Variants in LRRFIP1 observed in about 807,000 individuals in gnomAD.
The protein encoded by LRRFIP1 is LRR binding FLII interacting protein 1, also known as leucine-rich repeat flightless-interacting protein 1.
Under a neutral mutation model 104.4 loss-of-function variants are expected in LRRFIP1, and 62 were observed. That is an observed-to-expected ratio of 0.59 (90% confidence interval 0.48 to 0.73). The LOEUF (loss-of-function observed/expected upper bound fraction) is 0.73, where lower values mean the gene tolerates loss of function less well. Ranked by LOEUF, LRRFIP1 falls within the 30% of genes least tolerant of loss-of-function variation. LRRFIP1 has a pLI of 0.00. For missense variants in LRRFIP1, 796 were observed against 824.5 expected, an observed-to-expected ratio of 0.97 and a Z score of 0.42; for synonymous variants, 300 against 299.0, an observed-to-expected ratio of 1.00 and a Z score of -0.03.
At chr2:237,746,258 C>T (rs1003693020) in intron 11 of LRRFIP1, among the ~76,000 whole-genome samples, 9 of 152,016 alleles carry the variant, frequency 5.9e-5, no homozygotes, top group African/African-American at 1.5e-4. Flanking sequence ...AGGGTTTCGC[C>T]GTGTTGGCCA....
At chr2:237,756,059 A>G (rs778981214) in intron 15 of LRRFIP1, 36 bp from the exon 16 acceptor site, 1 of 1,448,944 alleles carries the variant, frequency 6.9e-7, no homozygotes, top group South Asian at 1.2e-5. Flanking sequence ...GAAACATGGG[A>G]TTCCACTGCT....
chr2:237,638,279 T>G (rs1223827422), intron 1 of LRRFIP1, among the ~76,000 whole-genome samples: 5 of 152,200 alleles, frequency 3.3e-5, no homozygotes, highest in Admixed American at 6.5e-5. Context: ...GCGCACAACC[T>G]AGATCCCTCA....
chr2:237,764,167 A>G, intron 19 of LRRFIP1: 1 of 1,614,046 alleles, frequency 6.2e-7, no homozygotes, highest in Non-Finnish European at 8.5e-7. Flanking sequence ...GGCGCGGTGC[A>G]CAGGAAGTCT....
At chr2:237,727,139 C>A (rs908327019) in intron 7 of LRRFIP1, among the ~76,000 whole-genome samples, 4 of 152,112 alleles carry the variant, frequency 2.6e-5, no homozygotes, top group Non-Finnish European at 5.9e-5. Context: ...GGGCGGATCA[C>A]GAGGTCAGGA....
intron 12 of LRRFIP1, 138 bp from the exon 13 acceptor site, chr2:237,749,061 C>CT (rs887348174): frequency 1.2e-6 from 1 of 807,746 alleles, no homozygotes; most frequent in African/African-American, 1.7e-5. Flanking sequence ...ATGGGGGAAA[C>CT]TGCCCCCGTG....
chr2:237,663,022 G>A (rs1387700129), intron 1 of LRRFIP1, among the ~76,000 whole-genome samples: 3 of 152,174 alleles, frequency 2.0e-5, no homozygotes, highest in Non-Finnish European at 2.9e-5. Flanking sequence ...GCTGCTCTCT[G>A]CCTGCGGGGT....
At chr2:237,688,119 G>A (rs1428182406) in intron 1 of LRRFIP1, among the ~76,000 whole-genome samples, 1 of 152,200 alleles carries the variant, frequency 6.6e-6, no homozygotes, top group Non-Finnish European at 1.5e-5. Flanking sequence ...TTTTCATTGA[G>A]AGGGCACAGA....
chr2:237,762,990 C>T (rs756917355), intron 19 of LRRFIP1: 2 of 1,614,212 alleles, frequency 1.2e-6, no homozygotes, highest in Non-Finnish European at 1.7e-6. Context: ...GTGGGAGAGG[C>T]AGCAGTGACT....
chr2:237,696,654 G>A (rs1165073077), intron 1 of LRRFIP1, among the ~76,000 whole-genome samples: 1 of 152,196 alleles, frequency 6.6e-6, no homozygotes, highest in Admixed American at 6.5e-5. Flanking sequence ...GACTTTCCAA[G>A]CCCTCACAGC....
At chr2:237,683,060 C>G (rs1466566011) in intron 1 of LRRFIP1, among the ~76,000 whole-genome samples, 1 of 152,232 alleles carries the variant, frequency 6.6e-6, no homozygotes, top group Non-Finnish European at 1.5e-5. Flanking sequence ...ACGCGGCTAG[C>G]CATCCTGCAA....
chr2:237,773,975 C>T (rs994243804), intron 22 of LRRFIP1: 4 of 167,266 alleles, frequency 2.4e-5, no homozygotes, highest in Non-Finnish European at 3.9e-5. Flanking sequence ...CTCCCACCCC[C>T]GCCACCCCAG....
At chr2:237,747,046 C>T (rs2057967240) in intron 11 of LRRFIP1, among the ~76,000 whole-genome samples, 1 of 152,152 alleles carries the variant, frequency 6.6e-6, no homozygotes, top group African/African-American at 2.4e-5. Context: ...TTTTGAACAC[C>T]CAGGTGTGGG....
At position 237,735,419 on chromosome 2, in the gene LRRFIP1, G is replaced by A; in HGVS notation, c.555+86G>A. 1 of 1,283,164 alleles carries A rather than the reference G, an allele frequency of 7.8e-7. No individual in the cohort carries two copies. The allele number at this position is 1,283,164 out of a possible 1,614,324, so 79.5% of individuals were successfully genotyped here. A position where few individuals can be genotyped will look rare whatever the true frequency, so the allele number is the denominator to read the frequency against. On this transcript the variant is annotated intron_variant, in intron 10 of 23. Transcript: ENST00000308482. This position sits in a 1 kb window ranked among gnomAD's most constrained non-coding sequence, Gnocchi z 4.6. Reference sequence around the variant, plus strand: ...CGCTGGGCAGGGTCCAGCCGTGGGGGGTGACTGGCCATTCTCAGGAGGAAG... The same window carrying A: ...CGCTGGGCAGGGTCCAGCCGTGGGGAGTGACTGGCCATTCTCAGGAGGAAG...
In LRRFIP1 at chr2:237,671,030, C is replaced by T. The variant is rs140611642; in HGVS notation, c.97-37514C>T. Reference sequence around the variant, plus strand: ...AGCCCCTACTTTGAAAGTTCCATTCCATCCCTCGCATTTCATCTGAAGAGC... The same window carrying T: ...AGCCCCTACTTTGAAAGTTCCATTCTATCCCTCGCATTTCATCTGAAGAGC... On this transcript the variant is annotated intron_variant, in intron 1 of 23. Transcript: ENST00000308482. Among the ~76,000 whole-genome samples the T allele has an allele frequency of 2.1e-3, 316 of 152,338 alleles. 2 individuals are homozygous for T. The highest frequency in any genetic ancestry group is 8.8e-3 in the Admixed American group (134 of 15,306).
At chr2:237,708,095 A>T (rs2093902462) in intron 1 of LRRFIP1, among the ~76,000 whole-genome samples, 1 of 152,168 alleles carries the variant, frequency 6.6e-6, no homozygotes, top group Non-Finnish European at 1.5e-5. Flanking sequence ...TTGAACTGGA[A>T]ACCTGGAGTA....
intron 1 of LRRFIP1, among the ~76,000 whole-genome samples, chr2:237,654,391 G>A (rs2086442763): frequency 6.6e-6 from 1 of 152,126 alleles, no homozygotes; most frequent in Non-Finnish European, 1.5e-5. Context: ...GGAGAAAAGG[G>A]AACCATCGTA....
intron 17 of LRRFIP1, 21 bp from the exon 18 acceptor site, chr2:237,758,708 T>C: frequency 1.9e-6 from 3 of 1,560,394 alleles, no homozygotes; most frequent in Non-Finnish European, 2.6e-6. Flanking sequence ...CTTCTTTCTC[T>C]TGGCTCTGCT....
chr2:237,724,062 T>C lies in LRRFIP1; in HGVS notation c.384+476T>C, dbSNP rs1000682884. On this transcript the variant is annotated intron_variant, in intron 7 of 23. Coordinates refer to ENST00000308482, the MANE Select transcript of LRRFIP1 (RefSeq NM_001137550.2). ...TGTACAATCTGACTTTTTTTTTTTT[T>C]TTTGCCAGAAAGTATTCTTTGAGAA... Among the ~76,000 whole-genome samples the C allele has an allele frequency of 2.2e-4, 33 of 152,266 alleles. No homozygotes were observed. In the South Asian group the frequency reaches 6.4e-3, roughly 30 times the overall value.
At chr2:237,708,722 C>T in intron 2 of LRRFIP1, 92 bp downstream of exon 2, 1 of 1,371,916 alleles carries the variant, frequency 7.3e-7, no homozygotes, top group Non-Finnish European at 1.0e-6. Context: ...TGCAGACGCA[C>T]CTGGCTGTCT....
Sources: allele counts gnomAD v4.1 joint callset (sites outside exome capture counted in the v4.1 genomes callset), GRCh38; gene constraint gnomAD v4.1.1; non-coding constraint Gnocchi (gnomAD v3.1); transcripts MANE v1.5; gene names NCBI Gene and HGNC (gene_info 2026-07-23, HGNC 2026-07-21).